ABLIM1: variants seen among roughly 807,000 people sequenced by gnomAD.
The protein encoded by ABLIM1 is actin binding LIM protein 1.
Under a neutral mutation model 107.0 loss-of-function variants are expected in ABLIM1, and 40 were observed. The observed-to-expected ratio is 0.37, with a 90% CI of 0.29 to 0.49. The LOEUF (loss-of-function observed/expected upper bound fraction) is 0.49. Ranked by LOEUF, ABLIM1 falls within the 20% of genes least tolerant of loss-of-function variation. ABLIM1 has a pLI of 0.97. For synonymous variants in ABLIM1, 357 were observed against 357.3 expected (o/e 1.00, Z 0.01); for missense variants, 857 against 1,008.5 (o/e 0.85, Z 2.04).
intron 1 of ABLIM1, among the ~76,000 whole-genome samples, chr10:114,724,452 T>C (rs908003856): frequency 1.3e-5 from 2 of 152,178 alleles, no homozygotes; most frequent in Non-Finnish European, 2.9e-5. Context: ...CTCCTGTTTC[T>C]GCCTCAGGCC....
chr10:114,764,842 G>C (rs808295), intron 1 of ABLIM1: 107,095 of 152,062 alleles, frequency 0.7, 37,835 homozygotes, highest in Non-Finnish European at 0.73. Context: ...AATGTCCTGC[G>C]CAGGCCATGG....
chr10:114,598,888 A>G (rs1239986848), intron 2 of ABLIM1, among the ~76,000 whole-genome samples: 2 of 151,842 alleles, frequency 1.3e-5, no homozygotes, highest in East Asian at 3.9e-4. Context: ...CAGGATGTGC[A>G]GGTTTGTCAC....
At chr10:114,503,294 T>C (rs1387891267) in intron 6 of ABLIM1, among the ~76,000 whole-genome samples, 2 of 151,878 alleles carry the variant, frequency 1.3e-5, no homozygotes, top group Admixed American at 1.3e-4. Flanking sequence ...CTATAAAAAA[T>C]ACAAAAATTA....
At chr10:114,504,148 T>G (rs2135715213) in intron 6 of ABLIM1, among the ~76,000 whole-genome samples, 1 of 152,312 alleles carries the variant, frequency 6.6e-6, no homozygotes, top group East Asian at 1.9e-4. Context: ...AACGATCAAC[T>G]TTTTCCTCTC....
chr10:114,785,760 G>C, the ABLIM1 span, among the ~76,000 whole-genome samples: 1 of 151,984 alleles, frequency 6.6e-6, no homozygotes, highest in Non-Finnish European at 1.5e-5. Flanking sequence ...ACCGATTCTC[G>C]CTCTGTTGCC....
the ABLIM1 span, among the ~76,000 whole-genome samples, chr10:114,783,451 T>C: frequency 2.6e-5 from 4 of 151,984 alleles, no homozygotes. Context: ...CTTAGAGAGG[T>C]CTGGGCTACA....
chr10:114,500,930 C>T (rs1414241966), intron 6 of ABLIM1, among the ~76,000 whole-genome samples: 1 of 149,906 alleles, frequency 6.7e-6, no homozygotes, highest in African/African-American at 2.5e-5. Flanking sequence ...AAGAATTGGG[C>T]CACACCTGTA....
intron 6 of ABLIM1, among the ~76,000 whole-genome samples, chr10:114,541,609 C>A (rs1365160435): frequency 6.6e-6 from 1 of 152,212 alleles, no homozygotes; most frequent in African/African-American, 2.4e-5. Flanking sequence ...CATCTAAGGA[C>A]TACGTCTGCT....
rs1233666662 is a variant in ABLIM1 at position 114,629,550 on chromosome 10, C to T, written c.245-27589G>A. Among the ~76,000 whole-genome samples the T allele has an allele frequency of 1.3e-5, 2 of 152,200 alleles. No homozygotes were observed. The highest frequency in any genetic ancestry group is 2.4e-5 in the African/African-American group (1 of 41,442). On this transcript the variant is annotated intron_variant, in intron 1 of 22. Transcript: ENST00000533213. The surrounding 1 kb of genome is among the most constrained non-coding windows in gnomAD (Gnocchi z 4.0). ...CACTGGAAAGTTAAAGATGGAGACA[C>T]AGTGCCACTTCTGAAAGGCTCACCA...
chr10:114,685,412 G>C (rs2080907811), upstream of ABLIM1, among the ~76,000 whole-genome samples: 1 of 152,166 alleles, frequency 6.6e-6, no homozygotes, highest in East Asian at 1.9e-4. Context: ...CAATCCACTG[G>C]AAAACAAGAC....
chr10:114,522,776 G>A (rs775672691), intron 6 of ABLIM1, among the ~76,000 whole-genome samples: 10 of 152,162 alleles, frequency 6.6e-5, no homozygotes, highest in Non-Finnish European at 1.0e-4. Context: ...GTCCCCTCCC[G>A]TCAAAGGCTG....
chr10:114,790,755 T>C, the ABLIM1 span, among the ~76,000 whole-genome samples: 1 of 152,220 alleles, frequency 6.6e-6, no homozygotes, highest in African/African-American at 2.4e-5. Flanking sequence ...AAATTCATGA[T>C]GTGTTGAGAT....
chr10:114,697,916 T>C (rs1566250123), intron 1 of ABLIM1, among the ~76,000 whole-genome samples: 1 of 152,182 alleles, frequency 6.6e-6, no homozygotes, highest in African/African-American at 2.4e-5. Context: ...TTATTGAATA[T>C]ACTGAAGATT....
In ABLIM1 at chr10:114,671,831, T is replaced by C. The variant is rs141053512; in HGVS notation, c.64+12459A>G. On this transcript the variant is annotated intron_variant, in intron 1 of 23. Coordinates refer to the ABLIM1 transcript ENST00000369256. Reference sequence around the variant, plus strand: ...ACACCTATGTGAAGTATGGCTTATCTGCCTTTTTCTTATTGATTTGTAGGA... The same window carrying C: ...ACACCTATGTGAAGTATGGCTTATCCGCCTTTTTCTTATTGATTTGTAGGA... Among the ~76,000 whole-genome samples, 1,085 of 152,342 alleles carry C rather than the reference T, an allele frequency of 7.1e-3. 13 individuals are homozygous for C. Among genetic ancestry groups the C allele is most frequent in the African/African-American group, 0.024 (1,001 of 41,590 alleles).
chr10:114,719,330 T>G (rs888131169), intron 1 of ABLIM1, among the ~76,000 whole-genome samples: 1 of 152,204 alleles, frequency 6.6e-6, no homozygotes, highest in African/African-American at 2.4e-5. Context: ...TCAGCTGAAT[T>G]TTGAACAGCC....
intron 1 of ABLIM1, among the ~76,000 whole-genome samples, chr10:114,750,010 G>A (rs993134784): frequency 6.6e-6 from 1 of 151,944 alleles, no homozygotes; most frequent in African/African-American, 2.4e-5. Flanking sequence ...AAATATAACT[G>A]TTACATAAAT....
At chr10:114,490,783 T>C (rs1012562356) in intron 7 of ABLIM1, among the ~76,000 whole-genome samples, 8 of 151,254 alleles carry the variant, frequency 5.3e-5, no homozygotes, top group African/African-American at 1.9e-4. Context: ...ATCATATATA[T>C]ATGGTCCTTT....
chr10:114,608,742 C>A (rs1003388147), intron 1 of ABLIM1, among the ~76,000 whole-genome samples: 1 of 152,028 alleles, frequency 6.6e-6, no homozygotes, highest in Non-Finnish European at 1.5e-5. Flanking sequence ...AGGCTGGGCA[C>A]GGTGGCTCAC....
chr10:114,482,951 A>T (rs1456119808), intron 8 of ABLIM1, among the ~76,000 whole-genome samples: 1 of 152,206 alleles, frequency 6.6e-6, no homozygotes, highest in African/African-American at 2.4e-5. Context: ...GGAAAAAATA[A>T]GAAAAAAAAA....
Sources: gnomAD v4.1 joint callset for allele counts (sites outside exome capture counted in the v4.1 genomes callset) on GRCh38, gnomAD v4.1.1 for gene constraint, Gnocchi (gnomAD v3.1) non-coding constraint, MANE v1.5 for transcripts, NCBI Gene and HGNC (gene_info 2026-07-23, HGNC 2026-07-21) for gene names.